The following TAPBP variants were observed in gnomAD, a reference collection of about 807,000 sequenced individuals.
The protein encoded by TAPBP is TAP binding protein, also known as tapasin.
TAPBP carries 38 observed loss-of-function variants against 45.7 expected under a neutral mutation model. The observed-to-expected ratio is 0.83, with a 90% CI of 0.64 to 1.09. The LOEUF (loss-of-function observed/expected upper bound fraction) is 1.09. Among genes scored for constraint, TAPBP ranks in the 50% least tolerant of loss-of-function variants. The probability of loss-of-function intolerance (pLI) is 0.00; values close to 1 mark genes in which losing one functional copy is unlikely to be tolerated. For synonymous variants in TAPBP, 226 were observed against 254.8 expected, an observed-to-expected ratio of 0.89 and a Z score of 1.08; for missense variants, 513 against 587.3, an observed-to-expected ratio of 0.87 and a Z score of 1.31.
chr6:33,304,845 A>G lies in TAPBP; in HGVS notation c.868+144T>C, dbSNP rs572350199. ...ATTTCCAGGAAACTTCTAGCCTCCC[A>G]TTACCCCTCTAACTCCCAGGAACCT... On this transcript the variant is annotated intron_variant, in intron 4 of 7. Coordinates refer to ENST00000434618, the MANE Select transcript of TAPBP (RefSeq NM_003190.5). 11 of 1,377,490 alleles carry G rather than the reference A, an allele frequency of 8.0e-6. No homozygotes were observed. The Admixed American group carries it at 9.0e-5, about 11-fold the overall frequency. The allele number at this position is 1,377,490 out of a possible 1,614,324, so 85.3% of individuals were successfully genotyped here.
At chr6:33,307,004 A>G (rs903170163) in intron 3 of TAPBP, among the ~76,000 whole-genome samples, 5 of 149,052 alleles carry the variant, frequency 3.4e-5, no homozygotes, top group Non-Finnish European at 7.4e-5. Flanking sequence ...AATCCCAAAT[A>G]CGGCCAGGCG....
chr6:33,304,738 G>T (rs1220031967), intron 4 of TAPBP, 100 bp from the exon 5 acceptor site: 1 of 1,391,822 alleles, frequency 7.2e-7, no homozygotes, highest in Non-Finnish European at 9.6e-7. Context: ...ACTAAAGAAG[G>T]TTAGGTTTCT....
At chr6:33,302,352 CCTCA>C (rs1197371147) in intron 7 of TAPBP, among the ~76,000 whole-genome samples, 2 of 151,596 alleles carry the variant, frequency 1.3e-5, no homozygotes, top group African/African-American at 4.8e-5. Context: ...TGAGACAGAG[CCTCA>C]CTCTGTTGCC....
chr6:33,304,297 C>T lies in TAPBP; in HGVS notation c.1210G>A (p.Gly404Ser), dbSNP rs971104530. Residue 404 changes from glycine (G) to serine (S), a missense_variant and splice_region_variant, in exon 5 of 8, where the codon GGT becomes AGT. Gly to Ser is a moderately conservative substitution (Grantham distance 56). Transcript: ENST00000434618. The stretch of plus-strand genomic sequence containing the variant: ...ATTCCGCAGAGCTCCCAGCTCTTAC[C>T]TGCTACCTCCAGGGTGACCTCAGCG... ...RSAEVTLEVA[G>S]LSGPSLEDSV... 11 of 1,600,906 alleles carry T rather than the reference C, an allele frequency of 6.9e-6. No homozygotes were observed. The Admixed American group carries it at 1.7e-4, about 25-fold the overall frequency.
chr6:33,313,196 C>G lies in TAPBP; in HGVS notation c.469+21G>C. On this transcript the variant is annotated intron_variant, in intron 3 of 7. Coordinates refer to ENST00000434618, the MANE Select transcript of TAPBP (RefSeq NM_003190.5). The surrounding 1 kb of genome is among the most constrained non-coding windows in gnomAD (Gnocchi z 7.2). ...ACCCTTAGAATCTACCCACCCTTCT[C>G]CACCTCCCCTCCCCAGCTACCTGTT... 6.3e-7 allele frequency: 1 copy of G among 1,595,658 alleles called. No individual in the cohort carries two copies. The highest frequency in any genetic ancestry group is 8.6e-7 in the Non-Finnish European group (1 of 1,166,126).
In TAPBP at chr6:33,305,994, C is replaced by G. The variant is rs905213651; in HGVS notation, c.470-607G>C. On this transcript the variant is annotated intron_variant, in intron 3 of 7. Transcript: ENST00000434618. This position sits in a 1 kb window ranked among gnomAD's most constrained non-coding sequence, Gnocchi z 4.4. Reference sequence around the variant, plus strand: ...TATGGCCTTGGGCCACTTCCTTTTTCCATGGCTCAGCTTCCTAATCTCTAA... The same window carrying G: ...TATGGCCTTGGGCCACTTCCTTTTTGCATGGCTCAGCTTCCTAATCTCTAA... Among the ~76,000 whole-genome samples, 2 of 152,186 alleles carry G rather than the reference C, an allele frequency of 1.3e-5. No homozygotes were observed. The highest frequency in any genetic ancestry group is 2.9e-5 in the Non-Finnish European group (2 of 68,028).
Position 33,313,774 on chromosome 6 carries a change from C to A in TAPBP, c.128G>T (p.Gly43Val). ...ASGKGLAKRPGALLLRQGPGE... is the reference protein window; with the variant it reads ...ASGKGLAKRPVALLLRQGPGE... ...CGGTCCCTGGCGCAACAGCAGTGCA[C>A]CGGGTCTCTTGGCCAGGCCCTTTCC... Residue 43 changes from glycine (G) to valine (V), a missense_variant, in exon 2 of 8, where the codon GGT becomes GTT. Coordinates refer to ENST00000434618, the MANE Select transcript of TAPBP (RefSeq NM_003190.5). This position sits in a 1 kb window ranked among gnomAD's most constrained non-coding sequence, Gnocchi z 7.2. 6.2e-7 allele frequency: 1 copy of A among 1,613,768 alleles called. No individual in the cohort carries two copies. Among genetic ancestry groups the A allele is most frequent in the South Asian group, 1.1e-5 (1 of 91,076 alleles).
chr6:33,311,405 G>T (rs1270496375), intron 3 of TAPBP, among the ~76,000 whole-genome samples: 1 of 152,126 alleles, frequency 6.6e-6, no homozygotes, highest in Non-Finnish European at 1.5e-5. Context: ...GAGGTGGGAG[G>T]ATCACCTGAA....
At position 33,313,135 on chromosome 6, in the gene TAPBP, C is replaced by G; in HGVS notation, c.469+82G>C. On this transcript the variant is annotated intron_variant, in intron 3 of 7. Coordinates refer to ENST00000434618, the MANE Select transcript of TAPBP (RefSeq NM_003190.5). The surrounding 1 kb of genome is among the most constrained non-coding windows in gnomAD (Gnocchi z 7.2). ...GAACCCCGATTGGCGAAATGTCTTG[C>G]TCAAGTCCATAAAGCGAGACCACCG... The G allele has an allele frequency of 2.7e-6, 4 of 1,493,514 alleles. No homozygotes were observed. Among genetic ancestry groups the G allele is most frequent in the Non-Finnish European group, 3.6e-6 (4 of 1,109,172 alleles). 92.5% of individuals were successfully genotyped at this position (1,493,514 alleles called of 1,614,324 possible). A position where few individuals can be genotyped will look rare whatever the true frequency, so the allele number is the denominator to read the frequency against.
In TAPBP at chr6:33,304,158, G is replaced by A; in HGVS notation, c.1270C>T (p.Leu424Phe). Residue 424 changes from leucine to phenylalanine, a missense_variant, in exon 6 of 8, where the codon CTT (leucine) becomes TTT (phenylalanine). Physicochemically the swap from Leu to Phe is conservative, Grantham distance 22. Coordinates refer to ENST00000434618, the MANE Select transcript of TAPBP (RefSeq NM_003190.5). The part of the protein sequence containing the change: ...VGLFLSAFLL[L>F]GLFKALGWAA... ...CAGCCCAGTGCCTTGAAGAGCCCAAGCAGAAGAAAGGCAGACAGGAAAAGG... is the reference window on the plus strand; with the variant it reads ...CAGCCCAGTGCCTTGAAGAGCCCAAACAGAAGAAAGGCAGACAGGAAAAGG... 1.2e-6 allele frequency: 2 copies of A among 1,613,480 alleles called. No homozygotes were observed. Among genetic ancestry groups the A allele is most frequent in the South Asian group, 2.2e-5 (2 of 91,024 alleles).
Position 33,303,632 on chromosome 6 carries a change from G to A in TAPBP, c.1335+323C>T. 7 of 1,065,018 alleles carry A rather than the reference G, an allele frequency of 6.6e-6. No homozygotes were observed. The South Asian group carries it at 8.6e-5, about 13-fold the overall frequency. The allele number at this position is 1,065,018 out of a possible 1,614,324, so 66.0% of individuals were successfully genotyped here. ...TAGATTAAATAAGGTATATTATTAA[G>A]TTAATTTTACCTGTTTCTGCTTATT... is the stretch of plus-strand genomic sequence containing the variant. On this transcript the variant is annotated intron_variant, in intron 7 of 7. Transcript: ENST00000434618.
chr6:33,307,051 C>G (rs1361745198), intron 3 of TAPBP, among the ~76,000 whole-genome samples: 1 of 150,146 alleles, frequency 6.7e-6, no homozygotes, highest in Non-Finnish European at 1.5e-5. Context: ...ACTTTGGTAG[C>G]CTGAGGCGGG....
Position 33,304,278 on chromosome 6 carries a change from C to T in TAPBP, c.1210+19G>A. 6.2e-7 allele frequency: 1 copy of T among 1,603,316 alleles called. No individual in the cohort carries two copies. The highest frequency in any genetic ancestry group is 1.7e-4 in the Middle Eastern group (1 of 6,000). ...TTCCTGGGTGCTGGCTCAGATTCCG[C>T]AGAGCTCCCAGCTCTTACCTGCTAC... On this transcript the variant is annotated intron_variant, in intron 5 of 7. Coordinates refer to ENST00000434618, the MANE Select transcript of TAPBP (RefSeq NM_003190.5).
At chr6:33,303,027 A>C (rs2150958004) in intron 7 of TAPBP, among the ~76,000 whole-genome samples, 1 of 152,326 alleles carries the variant, frequency 6.6e-6, no homozygotes, top group East Asian at 1.9e-4. Flanking sequence ...CTAAAATCTG[A>C]AATGTTCCAA....
intron 3 of TAPBP, among the ~76,000 whole-genome samples, chr6:33,309,241 C>G (rs143200624): frequency 2.0e-5 from 3 of 151,854 alleles, no homozygotes; most frequent in African/African-American, 7.3e-5. Flanking sequence ...CAGAATTATC[C>G]GGGCATGGTG....
At chr6:33,312,961 C>A (rs1282451190) in intron 3 of TAPBP, 6 of 412,130 alleles carry the variant, frequency 1.5e-5, no homozygotes, top group Non-Finnish European at 2.6e-5. Context: ...CAGAAAGTAA[C>A]CCCCCTGCCC....
At chr6:33,308,168 C>CAAAAAAAAA (rs9280399) in intron 3 of TAPBP, 4 of 99,554 alleles carry the variant, frequency 4.0e-5, no homozygotes, top group African/African-American at 4.3e-5. Context: ...ACTAAAAATA[C>CAAAAAAAAA]AAAAAAAAAA....
Position 33,304,991 on chromosome 6 carries a change from T to C in TAPBP, c.866A>G (p.Tyr289Cys). 2 of 1,613,930 alleles carry C rather than the reference T, an allele frequency of 1.2e-6. No homozygotes were observed. The highest frequency in any genetic ancestry group is 1.7e-6 in the Non-Finnish European group (2 of 1,179,842). The part of the protein sequence containing the change: ...QGQVTLELAV[Y>C]KPPKVSLMPA... ...GAGACCTCTGTCCCCCAACTCACTG[T>C]ACACAGCAAGCTCCAGGGTGACCTG... Residue 289 changes from tyrosine (Y) to cysteine (C), a missense_variant and splice_region_variant, in exon 4 of 8, where the codon TAC becomes TGC. Physicochemically the swap from Tyr to Cys is radical, Grantham distance 194 (BLOSUM62 -2). Coordinates refer to ENST00000434618, the MANE Select transcript of TAPBP (RefSeq NM_003190.5).
intron 3 of TAPBP, among the ~76,000 whole-genome samples, chr6:33,311,324 AAAAT>A (rs555651935): frequency 1.3e-5 from 2 of 152,106 alleles, no homozygotes; most frequent in African/African-American, 4.8e-5. Flanking sequence ...CTCCGTCTCA[AAAAT>A]AAATAAATAA....
Sources: gnomAD v4.1 joint callset for allele counts (sites outside exome capture counted in the v4.1 genomes callset) on GRCh38, gnomAD v4.1.1 for gene constraint, Gnocchi (gnomAD v3.1) non-coding constraint, MANE v1.5 for transcripts, NCBI Gene and HGNC (gene_info 2026-07-23, HGNC 2026-07-21) for gene names.